Variants in OR4K13 observed in about 807,000 individuals in gnomAD.
The protein encoded by OR4K13 is olfactory receptor 4K13.
For synonymous variants in OR4K13, 160 were observed against 134.8 expected (o/e 1.19, Z -1.30); for missense variants, 403 against 366.0 (o/e 1.10, Z -0.82).
rs112392899 is a variant in OR4K13, at chr14:20,033,950, A to T, written c.809T>A (p.Ile270Asn). ...GAAAATTGTGTAAAACACAGAAAGA[A>T]TTTTATCTACCGAGTATCTGCTGAA... is the stretch of plus-strand genomic sequence containing the variant. ...WPFSRYSVDK[I>N]LSVFYTIFTP... is the part of the protein sequence containing the mutation. Residue 270 changes from isoleucine (I) to asparagine (N), a missense_variant, in exon 2 of 2, where the codon ATT (isoleucine) becomes AAT (asparagine). Coordinates refer to ENST00000641904, the MANE Select transcript of OR4K13 (RefSeq NM_001004714.2). 1.7e-4 allele frequency: 269 copies of T among 1,612,642 alleles called. No individual in the cohort carries two copies. In the African/African-American group the frequency reaches 2.8e-3, roughly 17 times the overall value.
chr14:20,035,367 G>C (rs1877540804), intron 1 of OR4K13, among the ~76,000 whole-genome samples: 1 of 151,694 alleles, frequency 6.6e-6, no homozygotes, highest in South Asian at 2.1e-4. Context: ...TTTCCTCCAT[G>C]CTCCATTCTT....
At position 20,030,289 on chromosome 14, in the gene OR4K13, A is replaced by C. The variant is rs1309697370; in HGVS notation, c.*3555T>G. 1 of 152,054 alleles carries C rather than the reference A, an allele frequency of 6.6e-6. No homozygotes were observed. Among genetic ancestry groups the C allele is most frequent in the Non-Finnish European group, 1.5e-5 (1 of 68,024 alleles). The allele number at this position is 152,054 out of a possible 1,614,324, so 9.4% of individuals were successfully genotyped here. On this transcript the variant is annotated 3_prime_UTR_variant, in exon 2 of 2. Coordinates refer to ENST00000641904, the MANE Select transcript of OR4K13 (RefSeq NM_001004714.2). Reference sequence around the variant, plus strand: ...TCATTATACATTCTTTGCTTGCATCAAAACATCTCCAGTACCTCATAAATA... The same window carrying C: ...TCATTATACATTCTTTGCTTGCATCCAAACATCTCCAGTACCTCATAAATA...
chr14:20,030,346 A>C lies in OR4K13; in HGVS notation c.*3498T>G, dbSNP rs1321627272. On this transcript the variant is annotated 3_prime_UTR_variant, in exon 2 of 2. Transcript: ENST00000641904. The stretch of plus-strand genomic sequence containing the variant: ...ACTATTATATATTCATAATAATTAA[A>C]AATAAATTTTAAAAAATTAAAATAA... 1 of 151,692 alleles carries C rather than the reference A, an allele frequency of 6.6e-6. No homozygotes were observed. Among genetic ancestry groups the C allele is most frequent in the East Asian group, 1.9e-4 (1 of 5,198 alleles). The allele number at this position is 151,692 out of a possible 1,614,324, so 9.4% of individuals were successfully genotyped here.
At position 20,034,223 on chromosome 14, in the gene OR4K13, C is replaced by A. The variant is rs946827677; in HGVS notation, c.536G>T (p.Cys179Phe). ...CGPNVIDSFF[C>F]DLPLVIKLAC... ...AAGTTTAATCACAAGGGGAAGGTCA[C>A]AGAAAAAGCTGTCTATAACATTGGG... The change falls in exon 2 of 2, where the codon TGT becomes TTT. Residue 179 changes from cysteine to phenylalanine, a missense_variant. Coordinates refer to ENST00000641904, the MANE Select transcript of OR4K13 (RefSeq NM_001004714.2). 6.2e-7 allele frequency: 1 copy of A among 1,614,082 alleles called. No homozygotes were observed. Among genetic ancestry groups the A allele is most frequent in the Non-Finnish European group, 8.5e-7 (1 of 1,180,010 alleles).
At position 20,031,321 on chromosome 14, in the gene OR4K13, G is replaced by C. The variant is rs1287444121; in HGVS notation, c.*2523C>G. 6.6e-6 allele frequency: 1 copy of C among 152,146 alleles called. No homozygotes were observed. Among genetic ancestry groups the C allele is most frequent in the Non-Finnish European group, 1.5e-5 (1 of 68,030 alleles). 9.4% of individuals were successfully genotyped at this position (152,146 alleles called of 1,614,324 possible). ...GCCTCTACTGGCTGTCAGGGTGAGGGTTTCTGTATTATATGCTTGATAGTA... is the reference window on the plus strand; with the variant it reads ...GCCTCTACTGGCTGTCAGGGTGAGGCTTTCTGTATTATATGCTTGATAGTA... On this transcript the variant is annotated 3_prime_UTR_variant, in exon 2 of 2. Coordinates refer to ENST00000641904, the MANE Select transcript of OR4K13 (RefSeq NM_001004714.2).
In OR4K13 at chr14:20,034,549, A is replaced by G. The variant is rs2138674708; in HGVS notation, c.210T>C (p.Asp70=). The G allele has an allele frequency of 6.2e-7, 1 of 1,614,070 alleles. No homozygotes were observed. The highest frequency in any genetic ancestry group is 8.5e-7 in the Non-Finnish European group (1 of 1,180,004). The part of the protein sequence containing the change: ...YFLLSNLSCI[D]MILASFATPK... Reference sequence around the variant, plus strand: ...GGGTAGCAAAAGAAGCCAGGATCATATCAATGCAGGAGAGGTTGCTAAGCA... The same window carrying G: ...GGGTAGCAAAAGAAGCCAGGATCATGTCAATGCAGGAGAGGTTGCTAAGCA... The change falls in exon 2 of 2, where the codon GAT becomes GAC. Residue 70 remains aspartate, a synonymous_variant. Coordinates refer to ENST00000641904, the MANE Select transcript of OR4K13 (RefSeq NM_001004714.2).
Position 20,031,893 on chromosome 14 carries a change from AG to A in OR4K13, c.*1950del, listed in dbSNP as rs1173633440. Reference sequence around the variant, plus strand: ...AAAGCAATTTTATTCAAATGCAAGCAGGTGGGGGATGGCCAGGCTCATGCCT... The same window carrying A: ...AAAGCAATTTTATTCAAATGCAAGCAGTGGGGGATGGCCAGGCTCATGCCT... On this transcript the variant is annotated 3_prime_UTR_variant, in exon 2 of 2. Transcript: ENST00000641904. 1 of 151,948 alleles carries A rather than the reference AG, an allele frequency of 6.6e-6. No homozygotes were observed. Among genetic ancestry groups the A allele is most frequent in the Non-Finnish European group, 1.5e-5 (1 of 68,040 alleles). 9.4% of individuals were successfully genotyped at this position (151,948 alleles called of 1,614,324 possible).
Position 20,032,842 on chromosome 14 carries a change from A to G in OR4K13, c.*1002T>C, listed in dbSNP as rs945794493. The stretch of plus-strand genomic sequence containing the variant: ...AAGAGTGTCCTATATTTTCTATTAT[A>G]TGATCAGACTACATTTGACCTACCT... On this transcript the variant is annotated 3_prime_UTR_variant, in exon 2 of 2. Coordinates refer to ENST00000641904, the MANE Select transcript of OR4K13 (RefSeq NM_001004714.2). The G allele has an allele frequency of 1.3e-5, 2 of 152,186 alleles. No homozygotes were observed. Among genetic ancestry groups the G allele is most frequent in the Non-Finnish European group, 2.9e-5 (2 of 68,038 alleles). The allele number at this position is 152,186 out of a possible 1,614,324, so 9.4% of individuals were successfully genotyped here. A position where few individuals can be genotyped will look rare whatever the true frequency, so the allele number is the denominator to read the frequency against.
rs1877408061 is a variant in OR4K13 at position 20,031,104 on chromosome 14, A to G, written c.*2740T>C. On this transcript the variant is annotated 3_prime_UTR_variant, in exon 2 of 2. Coordinates refer to ENST00000641904, the MANE Select transcript of OR4K13 (RefSeq NM_001004714.2). ...GGAAGACAGTTTGAGGTGTTAACAA[A>G]TTTGCCCATGGAAAACAGGTGCTAC... The G allele has an allele frequency of 6.6e-6, 1 of 152,230 alleles. No homozygotes were observed. The highest frequency in any genetic ancestry group is 1.5e-5 in the Non-Finnish European group (1 of 68,054). The allele number at this position is 152,230 out of a possible 1,614,324, so 9.4% of individuals were successfully genotyped here.
chr14:20,033,330 C>T lies in OR4K13; in HGVS notation c.*514G>A, dbSNP rs1276429810. On this transcript the variant is annotated 3_prime_UTR_variant, in exon 2 of 2. Transcript: ENST00000641904. ...CCTGTAAGGCACTTGGATAAATAAC[C>T]GTGATGAGATGTCATCTGTGTGCTT... 1.3e-5 allele frequency: 2 copies of T among 153,234 alleles called. No homozygotes were observed. Among genetic ancestry groups the T allele is most frequent in the African/African-American group, 2.4e-5 (1 of 41,426 alleles). 9.5% of individuals were successfully genotyped at this position (153,234 alleles called of 1,614,324 possible). A position where few individuals can be genotyped will look rare whatever the true frequency, so the allele number is the denominator to read the frequency against.
chr14:20,031,064 C>A lies in OR4K13; in HGVS notation c.*2780G>T, dbSNP rs1877407293. ...AATAAATTACACATTCCTCCAAGAG[C>A]AGAGGACCCTGACAGGAAGACAGTT... On this transcript the variant is annotated 3_prime_UTR_variant, in exon 2 of 2. Transcript: ENST00000641904. 4 of 152,240 alleles carry A rather than the reference C, an allele frequency of 2.6e-5. No individual in the cohort carries two copies. Among genetic ancestry groups the A allele is most frequent in the Non-Finnish European group, 5.9e-5 (4 of 68,104 alleles). 9.4% of individuals were successfully genotyped at this position (152,240 alleles called of 1,614,324 possible). A position where few individuals can be genotyped will look rare whatever the true frequency, so the allele number is the denominator to read the frequency against.
In OR4K13 at chr14:20,034,085, A is replaced by T; in HGVS notation, c.674T>A (p.Val225Asp). The T allele has an allele frequency of 6.2e-7, 1 of 1,614,150 alleles. No individual in the cohort carries two copies. Among genetic ancestry groups the T allele is most frequent in the Non-Finnish European group, 8.5e-7 (1 of 1,180,020 alleles). ...GGATCGACTAGCAGCACGGTACCTA[A>T]CTGAGAATATTATGACTCCATAGGA... ...LVSYGVIIFSVRYRAASRSSK... is the reference protein window; with the variant it reads ...LVSYGVIIFSDRYRAASRSSK... The change falls in exon 2 of 2, where the codon GTT becomes GAT. Residue 225 changes from valine to aspartate, a missense_variant. Val to Asp is a radical substitution (Grantham distance 152). Coordinates refer to ENST00000641904, the MANE Select transcript of OR4K13 (RefSeq NM_001004714.2).
Position 20,034,700 on chromosome 14 carries a change from G to C in OR4K13, c.59C>G (p.Ser20Cys). 1.9e-6 allele frequency: 3 copies of C among 1,612,798 alleles called. No individual in the cohort carries two copies. Among genetic ancestry groups the C allele is most frequent in the Non-Finnish European group, 2.5e-6 (3 of 1,179,610 alleles). ...SEFILLGLSK[S>C]QNLQILFFLG... is the part of the protein sequence containing the mutation. ...GAAGAATAAAATCTGAAGATTTTGA[G>C]ATTTGGAAAGTCCCAACAAAATAAA... Residue 20 changes from serine (S) to cysteine (C), a missense_variant, in exon 2 of 2, where the codon TCT (serine) becomes TGT (cysteine). Ser to Cys is a moderately radical substitution (Grantham distance 112). Coordinates refer to ENST00000641904, the MANE Select transcript of OR4K13 (RefSeq NM_001004714.2).
At position 20,031,668 on chromosome 14, in the gene OR4K13, G is replaced by A. The variant is rs1441866878; in HGVS notation, c.*2176C>T. 6.6e-6 allele frequency: 1 copy of A among 152,112 alleles called. No homozygotes were observed. Among genetic ancestry groups the A allele is most frequent in the South Asian group, 2.1e-4 (1 of 4,806 alleles). The allele number at this position is 152,112 out of a possible 1,614,324, so 9.4% of individuals were successfully genotyped here. ...ATAGCCTTTTAAAAACAAAACTCTA[G>A]ATTATATTAAACCTATGGGTATTTT... On this transcript the variant is annotated 3_prime_UTR_variant, in exon 2 of 2. Transcript: ENST00000641904.
At position 20,031,619 on chromosome 14, in the gene OR4K13, G is replaced by A. The variant is rs944778319; in HGVS notation, c.*2225C>T. ...TTCGTGACAATTTGCTCAACAAATT[G>A]TCAGTCACATCAACCAATCAATAAT... On this transcript the variant is annotated 3_prime_UTR_variant, in exon 2 of 2. Coordinates refer to ENST00000641904, the MANE Select transcript of OR4K13 (RefSeq NM_001004714.2). 6.6e-6 allele frequency: 1 copy of A among 152,018 alleles called. No individual in the cohort carries two copies. Among genetic ancestry groups the A allele is most frequent in the African/African-American group, 2.4e-5 (1 of 41,374 alleles). The allele number at this position is 152,018 out of a possible 1,614,324, so 9.4% of individuals were successfully genotyped here. A position where few individuals can be genotyped will look rare whatever the true frequency, so the allele number is the denominator to read the frequency against.
Position 20,032,079 on chromosome 14 carries a change from C to G in OR4K13, c.*1765G>C, listed in dbSNP as rs893013200. 2 of 152,358 alleles carry G rather than the reference C, an allele frequency of 1.3e-5. No individual in the cohort carries two copies. The highest frequency in any genetic ancestry group is 4.8e-5 in the African/African-American group (2 of 41,454). The allele number at this position is 152,358 out of a possible 1,614,324, so 9.4% of individuals were successfully genotyped here. A position where few individuals can be genotyped will look rare whatever the true frequency, so the allele number is the denominator to read the frequency against. ...GTCCTGAGGCCTGATTTGCCTTTTC[C>G]TGACTTTGGCCTGGTAGTGGTGGGT... On this transcript the variant is annotated 3_prime_UTR_variant, in exon 2 of 2. Coordinates refer to ENST00000641904, the MANE Select transcript of OR4K13 (RefSeq NM_001004714.2).
Position 20,032,158 on chromosome 14 carries a change from C to T in OR4K13, c.*1686G>A, listed in dbSNP as rs1877437346. ...AGGATTCTGCAGCCAGGTTTCCCTG[C>T]CTTGTTTGTTTCAAAATCGGCCCCT... is the stretch of plus-strand genomic sequence containing the variant. On this transcript the variant is annotated 3_prime_UTR_variant, in exon 2 of 2. Transcript: ENST00000641904. The T allele has an allele frequency of 6.6e-6, 1 of 152,160 alleles. No homozygotes were observed. Among genetic ancestry groups the T allele is most frequent in the Non-Finnish European group, 1.5e-5 (1 of 68,048 alleles). The allele number at this position is 152,160 out of a possible 1,614,324, so 9.4% of individuals were successfully genotyped here.
At position 20,033,510 on chromosome 14, in the gene OR4K13, T is replaced by C. The variant is rs571087386; in HGVS notation, c.*334A>G. The C allele has an allele frequency of 5.9e-6, 1 of 170,576 alleles. No individual in the cohort carries two copies. The allele number at this position is 170,576 out of a possible 1,614,324, so 10.6% of individuals were successfully genotyped here. Reference sequence around the variant, plus strand: ...TAAATCACAGGGAACTTATTTATTTTCTTCAAATTTGCACCAGAGAAACTG... The same window carrying C: ...TAAATCACAGGGAACTTATTTATTTCCTTCAAATTTGCACCAGAGAAACTG... On this transcript the variant is annotated 3_prime_UTR_variant, in exon 2 of 2. Transcript: ENST00000641904.
Position 20,032,687 on chromosome 14 carries a change from C to T in OR4K13, c.*1157G>A, listed in dbSNP as rs918084589. On this transcript the variant is annotated 3_prime_UTR_variant, in exon 2 of 2. Transcript: ENST00000641904. ...ATTGCAAAGAGAAATATGAACAGAG[C>T]TAAGAAGGGGGAGATAAACTTGGAA... is the stretch of plus-strand genomic sequence containing the variant. 6.6e-6 allele frequency: 1 copy of T among 152,158 alleles called. No individual in the cohort carries two copies. The highest frequency in any genetic ancestry group is 1.9e-4 in the East Asian group (1 of 5,188). The allele number at this position is 152,158 out of a possible 1,614,324, so 9.4% of individuals were successfully genotyped here. A position where few individuals can be genotyped will look rare whatever the true frequency, so the allele number is the denominator to read the frequency against.
Sources: gnomAD v4.1 joint callset for allele counts (sites outside exome capture counted in the v4.1 genomes callset) on GRCh38, gnomAD v4.1.1 for gene constraint, MANE v1.5 for transcripts, NCBI Gene and HGNC (gene_info 2026-07-23, HGNC 2026-07-21) for gene names.